The following CRYBG2 variants were observed in gnomAD, a reference collection of about 807,000 sequenced individuals.
CRYBG2 encodes beta/gamma crystallin domain-containing protein 2.
CRYBG2 carries 106 observed loss-of-function variants against 153.4 expected under a neutral mutation model. That is an observed-to-expected ratio of 0.69 (90% CI 0.59 to 0.81). CRYBG2 has a LOEUF of 0.81. Among genes scored for constraint, CRYBG2 ranks in the 30% least tolerant of loss-of-function variants. The probability of loss-of-function intolerance (pLI) is 0.00; values close to 1 mark genes in which losing one functional copy is unlikely to be tolerated. For synonymous variants in CRYBG2, 851 were observed against 877.8 expected, an observed-to-expected ratio of 0.97 and a Z score of 0.54; for missense variants, 1,996 against 2,112.0, an observed-to-expected ratio of 0.95 and a Z score of 1.08.
intron 15 of CRYBG2, among the ~76,000 whole-genome samples, chr1:26,330,003 G>A (rs1026693511): frequency 1.3e-5 from 2 of 152,166 alleles, no homozygotes; most frequent in African/African-American, 2.4e-5. Context: ...CCAAAGTGCT[G>A]GAACTACAGG....
chr1:26,337,907 G>A lies in CRYBG2; in HGVS notation c.3507+105C>T, dbSNP rs1214006308. On this transcript the variant is annotated intron_variant, in intron 8 of 19. Transcript: ENST00000308182. ...CCCATCCCCCCAGACCGTGCTTCTG[G>A]CCCCCAGTGCCCTCCTCTCTGGATT... The A allele has an allele frequency of 4.8e-6, 7 of 1,450,616 alleles. No homozygotes were observed. In the East Asian group the frequency reaches 1.5e-4, roughly 30 times the overall value. 89.9% of individuals were successfully genotyped at this position (1,450,616 alleles called of 1,614,324 possible).
chr1:26,351,262 T>G (rs991633074), intron 1 of CRYBG2, among the ~76,000 whole-genome samples: 9 of 152,184 alleles, frequency 5.9e-5, no homozygotes, highest in African/African-American at 1.9e-4. Context: ...TCGCTGGGAC[T>G]CTGCCCAAAT....
rs2073914867 is a variant in CRYBG2 at position 26,325,621 on chromosome 1, A to C, written c.4579-1311T>G. On this transcript the variant is annotated intron_variant, in intron 17 of 19. Coordinates refer to ENST00000308182, the MANE Select transcript of CRYBG2 (RefSeq NM_001039775.4). This position sits in a 1 kb window ranked among gnomAD's most constrained non-coding sequence, Gnocchi z 4.1. ...TGCACTCCCACAGATACACACACAC[A>C]CACACACACACACACACAGGTCATC... Among the ~76,000 whole-genome samples, 1 of 151,794 alleles carries C rather than the reference A, an allele frequency of 6.6e-6. No individual in the cohort carries two copies. Among genetic ancestry groups the C allele is most frequent in the African/African-American group, 2.4e-5 (1 of 41,310 alleles).
At position 26,339,428 on chromosome 1, in the gene CRYBG2, T is replaced by C. The variant is rs1465911224; in HGVS notation, c.3206A>G (p.Asp1069Gly). 1.9e-6 allele frequency: 3 copies of C among 1,613,858 alleles called. No homozygotes were observed. The East Asian group carries it at 6.7e-5, about 36-fold the overall frequency. Residue 1069 changes from aspartate to glycine, a missense_variant and splice_region_variant, in exon 6 of 20, where the codon GAC becomes GGC. Physicochemically the swap from Asp to Gly is moderately conservative, Grantham distance 94. Transcript: ENST00000308182. The part of the protein sequence containing the change: ...GIGSLRRVVW[D>G]YSTPEISLFS... Reference sequence around the variant, plus strand: ...GAGGCTGATTTCCGGGGTGCTGTAGTCCTGTGGAAGGAGGGGGAAAATTAA... The same window carrying C: ...GAGGCTGATTTCCGGGGTGCTGTAGCCCTGTGGAAGGAGGGGGAAAATTAA...
intron 16 of CRYBG2, 37 bp downstream of exon 16, chr1:26,328,697 A>G (rs778291002): frequency 1.9e-6 from 3 of 1,591,172 alleles, no homozygotes; most frequent in Non-Finnish European, 2.6e-6. Context: ...CATCCCCACC[A>G]GCAGCCACCG....
chr1:26,337,463 A>T (rs1381325814), intron 9 of CRYBG2, 75 bp downstream of exon 9: 1 of 1,600,110 alleles, frequency 6.2e-7, no homozygotes, highest in Non-Finnish European at 8.5e-7. Flanking sequence ...ACCCCTACGC[A>T]GCCCAGGTCA....
Position 26,346,479 on chromosome 1 carries a change from C to T in CRYBG2, c.179G>A (p.Arg60Gln), listed in dbSNP as rs375735239. The change falls in exon 2 of 20, where the codon CGA becomes CAA. Residue 60 changes from arginine to glutamine, a missense_variant. Coordinates refer to ENST00000308182, the MANE Select transcript of CRYBG2 (RefSeq NM_001039775.4). The surrounding 1 kb of genome is among the most constrained non-coding windows in gnomAD (Gnocchi z 4.9). Reference sequence around the variant, plus strand: ...AAAGCCATTGACTTCCACTTCCTCTCGACGGCTGAACTCAAACATCTCCTT... The same window carrying T: ...AAAGCCATTGACTTCCACTTCCTCTTGACGGCTGAACTCAAACATCTCCTT... The part of the protein sequence containing the change: ...PQKEMFEFSR[R>Q]EEVEVNGFAT... 47 of 1,610,674 alleles carry T rather than the reference C, an allele frequency of 2.9e-5. No individual in the cohort carries two copies. The highest frequency in any genetic ancestry group is 2.3e-4 in the African/African-American group (17 of 75,028).
Position 26,346,126 on chromosome 1 carries a change from C to G in CRYBG2, c.532G>C (p.Val178Leu), listed in dbSNP as rs530070477. 1.4e-5 allele frequency: 22 copies of G among 1,560,656 alleles called. No individual in the cohort carries two copies. The African/African-American group carries it at 2.6e-4, about 18-fold the overall frequency. The change falls in exon 2 of 20, where the codon GTG becomes CTG. Residue 178 changes from valine to leucine, a missense_variant. Physicochemically the swap from Val to Leu is conservative, Grantham distance 32. Transcript: ENST00000308182. The surrounding 1 kb of genome is among the most constrained non-coding windows in gnomAD (Gnocchi z 4.9). ...CCTCCCACCACTGTGGTGGTCCGCA[C>G]AGTGCGTGTCACTCGGTATTCCTCG... ...SLEEYRVTRTVRTTTVVGGHV... is the reference protein window; with the variant it reads ...SLEEYRVTRTLRTTTVVGGHV...
At chr1:26,337,142 C>G in intron 10 of CRYBG2, 111 bp downstream of exon 10, 1 of 1,565,450 alleles carries the variant, frequency 6.4e-7, no homozygotes, top group Non-Finnish European at 8.7e-7. Flanking sequence ...TCTGGGAACA[C>G]TTACAGGGAG....
intron 17 of CRYBG2, chr1:26,327,027 G>C (rs2073934041): frequency 2.0e-6 from 1 of 497,134 alleles, no homozygotes; most frequent in Non-Finnish European, 4.0e-6. Flanking sequence ...CACAGACTCA[G>C]AAAGCTAAAT....
intron 1 of CRYBG2, among the ~76,000 whole-genome samples, chr1:26,353,477 A>G (rs6691909): frequency 0.54 from 81,647 of 151,682 alleles, 22,578 homozygotes; most frequent in East Asian, 0.87. Context: ...CTCGACACCC[A>G]CTCCTTTGGC....
At chr1:26,337,777 TC>T in intron 8 of CRYBG2, 103 bp from the exon 9 acceptor site, 1 of 1,469,136 alleles carries the variant, frequency 6.8e-7, no homozygotes, top group Non-Finnish European at 9.2e-7. Context: ...CCCCCAGCCC[TC>T]CCACCTCCTT....
At chr1:26,324,442 C>G in intron 17 of CRYBG2, 132 bp from the exon 18 acceptor site, 1 of 991,476 alleles carries the variant, frequency 1.0e-6, no homozygotes, top group Non-Finnish European at 1.4e-6. Flanking sequence ...TTCCTTGACT[C>G]TATTTCTAAG....
At chr1:26,353,830 T>A (rs1056383140) in intron 1 of CRYBG2, among the ~76,000 whole-genome samples, 67 of 151,530 alleles carry the variant, frequency 4.4e-4, no homozygotes, top group African/African-American at 1.6e-3. Context: ...AGATGGACAG[T>A]GGGGGTGAGA....
intron 15 of CRYBG2, among the ~76,000 whole-genome samples, chr1:26,329,362 A>T (rs2073971827): frequency 6.6e-6 from 1 of 151,780 alleles, no homozygotes; most frequent in Non-Finnish European, 1.5e-5. Context: ...CTTTTAGTAG[A>T]GACAGGCTTT....
intron 1 of CRYBG2, among the ~76,000 whole-genome samples, chr1:26,349,809 CTTTTTTTTT>C (rs57826673): frequency 5.7e-5 from 4 of 70,668 alleles, no homozygotes; most frequent in South Asian, 6.0e-4. Context: ...GGACTAGAGG[CTTTTTTTTT>C]TTTTTTTTTT....
At position 26,337,892 on chromosome 1, in the gene CRYBG2, C is replaced by A. The variant is rs547462005; in HGVS notation, c.3507+120G>T. 3.4e-5 allele frequency: 47 copies of A among 1,400,466 alleles called. No homozygotes were observed. In the South Asian group the frequency reaches 5.6e-4, roughly 17 times the overall value. The allele number at this position is 1,400,466 out of a possible 1,614,324, so 86.8% of individuals were successfully genotyped here. On this transcript the variant is annotated intron_variant, in intron 8 of 19. Coordinates refer to ENST00000308182, the MANE Select transcript of CRYBG2 (RefSeq NM_001039775.4). ...GTGAGCCCATCAGGTCCCATCCCCC[C>A]AGACCGTGCTTCTGGCCCCCAGTGC...
At position 26,321,936 on chromosome 1, in the gene CRYBG2, G is replaced by A; in HGVS notation, c.*32C>T. ...TATAAAAACATTCATCCCAGCAAAA[G>A]CCTCCAGGGCTGGAGGGTGAGGGGA... On this transcript the variant is annotated 3_prime_UTR_variant, in exon 20 of 20. Coordinates refer to ENST00000308182, the MANE Select transcript of CRYBG2 (RefSeq NM_001039775.4). 3.4e-6 allele frequency: 5 copies of A among 1,482,902 alleles called. No individual in the cohort carries two copies. Among genetic ancestry groups the A allele is most frequent in the Non-Finnish European group, 4.5e-6 (5 of 1,105,664 alleles). The allele number at this position is 1,482,902 out of a possible 1,614,324, so 91.9% of individuals were successfully genotyped here.
At position 26,336,817 on chromosome 1, in the gene CRYBG2, G is replaced by A. The variant is rs1401990531; in HGVS notation, c.3911+24C>T. The A allele has an allele frequency of 1.3e-6, 2 of 1,570,326 alleles. No individual in the cohort carries two copies. Among genetic ancestry groups the A allele is most frequent in the Non-Finnish European group, 1.7e-6 (2 of 1,159,764 alleles). On this transcript the variant is annotated intron_variant, in intron 11 of 19. Transcript: ENST00000308182. The surrounding 1 kb of genome is among the most constrained non-coding windows in gnomAD (Gnocchi z 4.9). ...CCCCCGGCTCGCCCGGGCCCGCCCC[G>A]CTCCCGGAGCCCGGGTCACTTACAC...
Sources: gnomAD v4.1 joint callset for allele counts (sites outside exome capture counted in the v4.1 genomes callset) on GRCh38, gnomAD v4.1.1 for gene constraint, Gnocchi (gnomAD v3.1) non-coding constraint, MANE v1.5 for transcripts, NCBI Gene and HGNC (gene_info 2026-07-23, HGNC 2026-07-21) for gene names.